Variants in TNNI3K observed in about 807,000 individuals in gnomAD.
TNNI3K encodes TNNI3 interacting kinase.
A neutral mutation model predicts 114.5 loss-of-function variants in TNNI3K; 140 were observed. That is an observed-to-expected ratio of 1.22 (90% CI 1.07 to 1.41). The LOEUF (loss-of-function observed/expected upper bound fraction) is 1.41, where lower values mean the gene tolerates loss of function less well. TNNI3K is among the 40% of genes most tolerant of loss of function. The pLI is 0.00. For synonymous variants in TNNI3K, 347 were observed against 347.5 expected, an observed-to-expected ratio of 1.00 and a Z score of 0.02; for missense variants, 1,125 against 1,007.6, an observed-to-expected ratio of 1.12 and a Z score of -1.58.
chr1:74,273,161 G>A (rs1656459885), intron 5 of TNNI3K, among the ~76,000 whole-genome samples: 1 of 151,848 alleles, frequency 6.6e-6, no homozygotes, highest in Non-Finnish European at 1.5e-5. Context: ...ACTTCAAAGG[G>A]CTCTTACATT....
At chr1:74,460,378 T>A (rs1667407448) in intron 20 of TNNI3K, among the ~76,000 whole-genome samples, 1 of 152,238 alleles carries the variant, frequency 6.6e-6, no homozygotes, top group Non-Finnish European at 1.5e-5. Context: ...TTCTATTGGA[T>A]ACTCCTACTC....
intron 17 of TNNI3K, among the ~76,000 whole-genome samples, chr1:74,396,309 C>T (rs1367771568): frequency 1.3e-5 from 2 of 152,122 alleles, no homozygotes; most frequent in Admixed American, 1.3e-4. Context: ...GAGAATTTCC[C>T]CGTTCCTTCT....
chr1:74,335,892 G>T (rs1660437276), intron 6 of TNNI3K, 119 bp from the exon 7 acceptor site: 2 of 1,097,208 alleles, frequency 1.8e-6, no homozygotes, highest in East Asian at 2.8e-5. Context: ...TGGACTTCTT[G>T]CTAGGTGATA....
In TNNI3K at chr1:74,255,332, C is replaced by T. The variant is rs1170520611; in HGVS notation, c.333+4563C>T. On this transcript the variant is annotated intron_variant, in intron 4 of 24. Coordinates refer to ENST00000326637, the MANE Select transcript of TNNI3K (RefSeq NM_015978.3). ...TCCCGCCACTGCACTCCAGCCTGGGCGACAGAGCGAGACTCCGTCTCAAAA... is the reference window on the plus strand; with the variant it reads ...TCCCGCCACTGCACTCCAGCCTGGGTGACAGAGCGAGACTCCGTCTCAAAA... Among the ~76,000 whole-genome samples the T allele has an allele frequency of 7.5e-5, 10 of 133,172 alleles. No individual in the cohort carries two copies. The East Asian group carries it at 8.9e-4, about 12-fold the overall frequency. 87.4% of individuals were successfully genotyped at this position (133,172 alleles called of 152,430 possible). A position where few individuals can be genotyped will look rare whatever the true frequency, so the allele number is the denominator to read the frequency against.
chr1:74,248,970 T>C (rs1193476655), intron 2 of TNNI3K, among the ~76,000 whole-genome samples: 2 of 152,286 alleles, frequency 1.3e-5, no homozygotes, highest in East Asian at 3.9e-4. Flanking sequence ...AAGGGGAAGG[T>C]CTTTCTTGGC....
intron 21 of TNNI3K, among the ~76,000 whole-genome samples, chr1:74,465,244 G>A (rs45508594): frequency 0.014 from 2,090 of 152,260 alleles, 40 homozygotes; most frequent in African/African-American, 0.048. Flanking sequence ...GGCCGAGGCC[G>A]GAGCCCACTC....
At chr1:74,340,036 G>A (rs796726788) in intron 7 of TNNI3K, among the ~76,000 whole-genome samples, 1 of 152,074 alleles carries the variant, frequency 6.6e-6, no homozygotes, top group South Asian at 2.1e-4. Context: ...AATATAGCTT[G>A]TTGGATGTAT....
intron 9 of TNNI3K, among the ~76,000 whole-genome samples, chr1:74,351,860 C>A (rs1163146251): frequency 2.0e-5 from 3 of 152,094 alleles, no homozygotes; most frequent in Admixed American, 6.6e-5. Context: ...TTCTAGTTAT[C>A]CATTTGTCTA....
chr1:74,261,906 A>G (rs1394483069), intron 4 of TNNI3K, among the ~76,000 whole-genome samples: 1 of 152,240 alleles, frequency 6.6e-6, no homozygotes, highest in South Asian at 2.1e-4. Flanking sequence ...AGGGAAGGAC[A>G]TGAATGGGGG....
chr1:74,495,513 C>A (rs1669285815), intron 23 of TNNI3K, among the ~76,000 whole-genome samples: 1 of 152,106 alleles, frequency 6.6e-6, no homozygotes, highest in African/African-American at 2.4e-5. Context: ...AGTGAATGAG[C>A]CTTAACTATT....
At chr1:74,536,981 G>C (rs969732387) in intron 23 of TNNI3K, among the ~76,000 whole-genome samples, 2 of 152,146 alleles carry the variant, frequency 1.3e-5, no homozygotes, top group African/African-American at 2.4e-5. Context: ...CCATTGATCA[G>C]GGTCTGGTTT....
intron 17 of TNNI3K, chr1:74,372,101 A>G (rs1557527639): frequency 1.5e-4 from 2 of 13,486 alleles, no homozygotes; most frequent in South Asian, 0.02. Flanking sequence ...AGAAAAAAAA[A>G]AAAAAAAAAA....
At chr1:74,306,997 T>C (rs1225813136) in intron 5 of TNNI3K, among the ~76,000 whole-genome samples, 1 of 152,226 alleles carries the variant, frequency 6.6e-6, no homozygotes, top group East Asian at 1.9e-4. Context: ...GTTTAAGGTC[T>C]TACACTTGTC....
rs796924258 is a variant in TNNI3K, at chr1:74,307,590, A to G, written c.445-23860A>G. 5.9e-5 allele frequency among the ~76,000 whole-genome samples: 9 copies of G among 152,346 alleles called. 1 individual carries two copies. The highest frequency in any genetic ancestry group is 2.2e-4 in the African/African-American group (9 of 41,576). On this transcript the variant is annotated intron_variant, in intron 5 of 24. Transcript: ENST00000326637. The stretch of plus-strand genomic sequence containing the variant: ...TTCAAATCAACAATAAGTTTTAACC[A>G]TCCTAAATATATATTCACCTAACAT...
intron 1 of TNNI3K, among the ~76,000 whole-genome samples, chr1:74,235,778 A>C (rs1051267281): frequency 1.3e-5 from 2 of 151,428 alleles, no homozygotes; most frequent in Admixed American, 6.6e-5. Context: ...TTATATCTTA[A>C]GTATCTAGTA....
chr1:74,480,212 T>A, intron 21 of TNNI3K: 1 of 717,480 alleles, frequency 1.4e-6, no homozygotes, highest in South Asian at 1.5e-5. Flanking sequence ...GGGACTTCTG[T>A]CCTTTAGAAC....
chr1:74,360,917 T>A (rs1661930519), intron 11 of TNNI3K, among the ~76,000 whole-genome samples: 1 of 152,098 alleles, frequency 6.6e-6, no homozygotes, highest in South Asian at 2.1e-4. Flanking sequence ...ATTCATTGTC[T>A]TCCAAAAATT....
chr1:74,495,917 C>T (rs765392121), intron 23 of TNNI3K, among the ~76,000 whole-genome samples: 7 of 152,102 alleles, frequency 4.6e-5, no homozygotes, highest in African/African-American at 7.2e-5. Flanking sequence ...GTGAGAACAG[C>T]GATCAATAGG....
intron 4 of TNNI3K, among the ~76,000 whole-genome samples, chr1:74,259,222 A>G (rs535740063): frequency 6.6e-6 from 1 of 152,204 alleles, no homozygotes; most frequent in Admixed American, 6.5e-5. Context: ...TCTTCCGTCT[A>G]TAAGCTGGAG....
Sources: gnomAD v4.1 joint callset for allele counts (sites outside exome capture counted in the v4.1 genomes callset) on GRCh38, gnomAD v4.1.1 for gene constraint, MANE v1.5 for transcripts, NCBI Gene and HGNC (gene_info 2026-07-23, HGNC 2026-07-21) for gene names.